ROR2: variants seen among roughly 807,000 people sequenced by gnomAD.
ROR2 encodes the protein tyrosine-protein kinase transmembrane receptor ROR2.
Under a neutral mutation model 74.9 loss-of-function variants are expected in ROR2, and 33 were observed. The observed-to-expected ratio is 0.44, with a 90% CI of 0.33 to 0.59. The LOEUF is 0.59. Ranked by LOEUF, ROR2 falls within the 20% of genes least tolerant of loss-of-function variation. The pLI is 0.02. For synonymous variants in ROR2, 586 were observed against 558.7 expected (o/e 1.05, Z -0.69); for missense variants, 1,216 against 1,313.8 (o/e 0.93, Z 1.15).
chr9:91,796,454 A>AAAAAC (rs1587726655), intron 1 of ROR2, among the ~76,000 whole-genome samples: 2 of 151,952 alleles, frequency 1.3e-5, no homozygotes, highest in East Asian at 3.9e-4. Context: ...AAAAAAAAAA[A>AAAAAC]ACATTTTCAC....
chr9:91,737,093 G>A (rs562252928), intron 5 of ROR2, among the ~76,000 whole-genome samples: 4 of 152,358 alleles, frequency 2.6e-5, no homozygotes, highest in East Asian at 3.9e-4. Flanking sequence ...AGGCCCTGGC[G>A]TTGCAGTGAG....
chr9:91,841,514 A>T (rs1173127967), intron 1 of ROR2, among the ~76,000 whole-genome samples: 9 of 152,220 alleles, frequency 5.9e-5, no homozygotes, highest in Admixed American at 4.6e-4. Flanking sequence ...ATTTTAAAAG[A>T]TTATTTTTAT....
chr9:91,793,213 T>C (rs1587723928), intron 1 of ROR2, among the ~76,000 whole-genome samples: 2 of 152,272 alleles, frequency 1.3e-5, no homozygotes, highest in African/African-American at 2.4e-5. Context: ...TATTACTCCA[T>C]GAAGTCTAAC....
chr9:91,739,376 G>A (rs948513075), intron 4 of ROR2, among the ~76,000 whole-genome samples: 2 of 152,038 alleles, frequency 1.3e-5, no homozygotes, highest in Non-Finnish European at 2.9e-5. Context: ...GCGTGGTGGC[G>A]TGTGCCTGTA....
chr9:91,948,734 T>A (rs3750440), intron 1 of ROR2: 210,241 of 985,290 alleles, frequency 0.21, 23,323 homozygotes, highest in Non-Finnish European at 0.23. Flanking sequence ...AGTGCAGGGA[T>A]GGGGGATACT....
chr9:91,733,206 T>C lies in ROR2; in HGVS notation c.853A>G (p.Lys285Glu), dbSNP rs1408089850. Residue 285 changes from lysine (K) to glutamate (E), a missense_variant, in exon 6 of 9, where the codon AAG becomes GAG. By Grantham distance (56) the Lys-to-Glu change is moderately conservative. Coordinates refer to ENST00000375708, the MANE Select transcript of ROR2 (RefSeq NM_004560.4). This position sits in a 1 kb window ranked among gnomAD's most constrained non-coding sequence, Gnocchi z 5.7. Reference sequence around the variant, plus strand: ...TCAGGCATGGGCAGCGCCTCACACTTGGGCAGCTGAAGCCGCATGAGGATG... The same window carrying C: ...TCAGGCATGGGCAGCGCCTCACACTCGGGCAGCTGAAGCCGCATGAGGATG... ...PLILMRLQLP[K>E]CEALPMPESP... 1 of 1,611,798 alleles carries C rather than the reference T, an allele frequency of 6.2e-7. No homozygotes were observed. Among genetic ancestry groups the C allele is most frequent in the East Asian group, 2.2e-5 (1 of 44,814 alleles).
Position 91,950,000 on chromosome 9 carries a change from TC to T in ROR2, c.-38del. ...TGGGGGCCGGGAAGCCCTCAGAGCTTCGGGCCGGGGCGCGGGGTCGGGCGCC... is the reference window on the plus strand; with the variant it reads ...TGGGGGCCGGGAAGCCCTCAGAGCTTGGGCCGGGGCGCGGGGTCGGGCGCC... On this transcript the variant is annotated 5_prime_UTR_variant, in exon 1 of 9. Transcript: ENST00000375708. 8.5e-7 allele frequency: 1 copy of T among 1,181,628 alleles called. No individual in the cohort carries two copies. Among genetic ancestry groups the T allele is most frequent in the Non-Finnish European group, 1.1e-6 (1 of 903,304 alleles). 73.2% of individuals were successfully genotyped at this position (1,181,628 alleles called of 1,614,324 possible). A position where few individuals can be genotyped will look rare whatever the true frequency, so the allele number is the denominator to read the frequency against.
At chr9:91,780,163 G>A (rs917341399) in intron 1 of ROR2, among the ~76,000 whole-genome samples, 21 of 152,026 alleles carry the variant, frequency 1.4e-4, no homozygotes, top group African/African-American at 5.1e-4. Context: ...AGGCCAAGGC[G>A]GGTGGATCAC....
chr9:91,886,316 A>G (rs529732031), intron 1 of ROR2, among the ~76,000 whole-genome samples: 2 of 152,300 alleles, frequency 1.3e-5, no homozygotes, highest in East Asian at 3.9e-4. Context: ...CACCAGGGCC[A>G]TCATTCTCCC....
At chr9:91,842,980 T>C (rs145103684) in intron 1 of ROR2, among the ~76,000 whole-genome samples, 67 of 152,326 alleles carry the variant, frequency 4.4e-4, no homozygotes, top group African/African-American at 1.6e-3. Context: ...GCCCCTCAGA[T>C]GGGGCACTCT....
chr9:91,800,617 C>T (rs997447296), intron 1 of ROR2, among the ~76,000 whole-genome samples: 4 of 152,158 alleles, frequency 2.6e-5, no homozygotes, highest in Admixed American at 2.6e-4. Context: ...TAACACAAAA[C>T]TGAGGCCATC....
intron 7 of ROR2, among the ~76,000 whole-genome samples, chr9:91,730,516 A>C (rs1424208293): frequency 1.3e-5 from 2 of 152,172 alleles, no homozygotes; most frequent in East Asian, 1.9e-4. Flanking sequence ...GCTGGAGTGC[A>C]GTGTCACAAT....
intron 1 of ROR2, among the ~76,000 whole-genome samples, chr9:91,788,641 G>C (rs1360357835): frequency 1.3e-5 from 2 of 152,084 alleles, no homozygotes; most frequent in Non-Finnish European, 2.9e-5. Flanking sequence ...GAGGTGGGCA[G>C]ATCACCTGAG....
chr9:91,943,333 T>C (rs1363480383), intron 1 of ROR2, among the ~76,000 whole-genome samples: 2 of 152,246 alleles, frequency 1.3e-5, no homozygotes, highest in African/African-American at 4.8e-5. Context: ...AAGAAATAAC[T>C]GTTATGTGTA....
At chr9:91,765,482 T>C (rs1826031718) in intron 2 of ROR2, among the ~76,000 whole-genome samples, 1 of 152,346 alleles carries the variant, frequency 6.6e-6, no homozygotes, top group Middle Eastern at 3.4e-3. Context: ...GAGGACTGGG[T>C]TCCCTTGACA....
intron 1 of ROR2, among the ~76,000 whole-genome samples, chr9:91,851,194 T>C (rs1183856028): frequency 6.6e-6 from 1 of 151,690 alleles, no homozygotes; most frequent in Non-Finnish European, 1.5e-5. Context: ...CTACTAAAAA[T>C]ACAAAAAATT....
rs974504456 is a variant in ROR2 at position 91,723,605 on chromosome 9, G to C, written c.*57C>G. On this transcript the variant is annotated 3_prime_UTR_variant, in exon 9 of 9. Coordinates refer to ENST00000375708, the MANE Select transcript of ROR2 (RefSeq NM_004560.4). ...ATGGTGTCTTCTCAAAGGTGACTGA[G>C]GTCCCTGTGGGGTCTCGGCGGGGCT... 2.5e-6 allele frequency: 4 copies of C among 1,598,352 alleles called. No individual in the cohort carries two copies. Among genetic ancestry groups the C allele is most frequent in the Non-Finnish European group, 2.6e-6 (3 of 1,174,408 alleles).
At chr9:91,737,867 AG>A (rs1212049295) in intron 4 of ROR2, among the ~76,000 whole-genome samples, 6 of 152,238 alleles carry the variant, frequency 3.9e-5, no homozygotes, top group Non-Finnish European at 8.8e-5. Flanking sequence ...CTAGGTGAAA[AG>A]AGCCAATCTG....
At chr9:91,736,707 C>T (rs1212404014) in intron 5 of ROR2, among the ~76,000 whole-genome samples, 4 of 152,134 alleles carry the variant, frequency 2.6e-5, no homozygotes, top group Non-Finnish European at 5.9e-5. Flanking sequence ...GACCCCGGAC[C>T]CCATCAATGT....
Sources: allele counts gnomAD v4.1 joint callset (sites outside exome capture counted in the v4.1 genomes callset), GRCh38; gene constraint gnomAD v4.1.1; non-coding constraint Gnocchi (gnomAD v3.1); transcripts MANE v1.5; gene names NCBI Gene and HGNC (gene_info 2026-07-23, HGNC 2026-07-21).